Variants in SNCAIP observed in about 807,000 individuals in gnomAD.
SNCAIP encodes synuclein alpha interacting protein.
Under a neutral mutation model 86.7 loss-of-function variants are expected in SNCAIP, and 43 were observed. The observed-to-expected ratio is 0.50, with a 90% CI of 0.39 to 0.64. SNCAIP has a LOEUF of 0.64. Ranked by LOEUF, SNCAIP falls within the 30% of genes least tolerant of loss-of-function variation. SNCAIP has a pLI of 0.00. For missense variants in SNCAIP, 981 were observed against 1,103.1 expected (o/e 0.89, Z 1.57); for synonymous variants, 417 against 427.2 (o/e 0.98, Z 0.29).
chr5:122,406,570 T>C (rs765178910), intron 3 of SNCAIP, among the ~76,000 whole-genome samples: 3 of 152,108 alleles, frequency 2.0e-5, no homozygotes, highest in Non-Finnish European at 4.4e-5. Context: ...TCATGAATGG[T>C]TTAGCGCCAT....
At chr5:122,358,870 T>C (rs563587495) in intron 1 of SNCAIP, among the ~76,000 whole-genome samples, 14 of 152,294 alleles carry the variant, frequency 9.2e-5, no homozygotes, top group African/African-American at 3.4e-4. Context: ...AAATTGTTGC[T>C]ATGAACTTTT....
At chr5:122,357,878 C>T (rs1267037940) in intron 1 of SNCAIP, among the ~76,000 whole-genome samples, 1 of 152,056 alleles carries the variant, frequency 6.6e-6, no homozygotes, top group African/African-American at 2.4e-5. Context: ...CAGAACATTT[C>T]CATAAGCCAG....
chr5:122,446,222 G>C (rs976152311), intron 8 of SNCAIP, among the ~76,000 whole-genome samples: 4 of 152,176 alleles, frequency 2.6e-5, no homozygotes, highest in Non-Finnish European at 5.9e-5. Flanking sequence ...GGAATTGCTA[G>C]AGCAAAAGAC....
At chr5:122,391,013 T>A (rs1227576934) in intron 1 of SNCAIP, 76 bp from the exon 2 acceptor site, 17 of 780,316 alleles carry the variant, frequency 2.2e-5, no homozygotes, top group South Asian at 5.6e-5. Flanking sequence ...TCTTATTTGT[T>A]TAAATGTAGA....
rs76995938 is a variant in SNCAIP, at chr5:122,397,612, G to A, written c.58-6181G>A. Among the ~76,000 whole-genome samples, 1,476 of 152,218 alleles carry A rather than the reference G, an allele frequency of 9.7e-3. 20 individuals carry two copies. Among genetic ancestry groups the A allele is most frequent in the African/African-American group, 0.033 (1,380 of 41,530 alleles). On this transcript the variant is annotated intron_variant, in intron 2 of 10. Coordinates refer to ENST00000261368, the MANE Select transcript of SNCAIP (RefSeq NM_005460.4). The stretch of plus-strand genomic sequence containing the variant: ...ATTAGTTATAATAATTTTCATTAAT[G>A]GAGCCCAAATGGTGGGAAGAAATGT...
At chr5:122,439,645 G>A (rs1201128264) in intron 6 of SNCAIP, among the ~76,000 whole-genome samples, 1 of 152,064 alleles carries the variant, frequency 6.6e-6, no homozygotes, top group Non-Finnish European at 1.5e-5. Context: ...AGCAGTCGGA[G>A]CAAACAACTG....
chr5:122,458,129 T>A (rs1201829813), intron 10 of SNCAIP, among the ~76,000 whole-genome samples: 2 of 152,124 alleles, frequency 1.3e-5, no homozygotes, highest in Non-Finnish European at 2.9e-5. Flanking sequence ...TGTTGAGACA[T>A]AAAAAAGGCA....
intron 2 of SNCAIP, among the ~76,000 whole-genome samples, chr5:122,402,581 T>TACA (rs147011230): frequency 0.038 from 5,819 of 152,258 alleles, 358 homozygotes; most frequent in African/African-American, 0.13. Context: ...TGACAATATC[T>TACA]ACGTTCCCAC....
At chr5:122,322,276 T>C (rs943344030) in intron 1 of SNCAIP, among the ~76,000 whole-genome samples, 2 of 152,200 alleles carry the variant, frequency 1.3e-5, no homozygotes, top group African/African-American at 2.4e-5. Context: ...CTTATCTACT[T>C]TACCCCCAAA....
At chr5:122,416,975 A>G (rs1207996751) in intron 3 of SNCAIP, among the ~76,000 whole-genome samples, 1 of 152,168 alleles carries the variant, frequency 6.6e-6, no homozygotes, top group Non-Finnish European at 1.5e-5. Flanking sequence ...AATAAAATCC[A>G]TTTAACTTTT....
intron 2 of SNCAIP, chr5:122,401,198 C>A (rs1771741675): frequency 7.0e-7 from 1 of 1,421,380 alleles, no homozygotes; most frequent in Non-Finnish European, 9.4e-7. Flanking sequence ...GCCTGGGAAG[C>A]CTTCCATTTC....
At chr5:122,327,139 T>C (rs375557757) in intron 1 of SNCAIP, among the ~76,000 whole-genome samples, 1 of 152,136 alleles carries the variant, frequency 6.6e-6, no homozygotes. Flanking sequence ...CCAATTTTTA[T>C]TGAGAGGAAC....
chr5:122,373,449 T>C (rs1420121726), intron 1 of SNCAIP, among the ~76,000 whole-genome samples: 1 of 152,110 alleles, frequency 6.6e-6, no homozygotes, highest in Non-Finnish European at 1.5e-5. Flanking sequence ...TTAAAAGTAT[T>C]CCAAAAGCCT....
chr5:122,456,810 G>A (rs1192535340), intron 10 of SNCAIP, among the ~76,000 whole-genome samples: 2 of 152,198 alleles, frequency 1.3e-5, no homozygotes, highest in Non-Finnish European at 1.5e-5. Context: ...TCATGTGGGT[G>A]TTGTTACCAA....
intron 1 of SNCAIP, among the ~76,000 whole-genome samples, chr5:122,331,735 A>T (rs189254754): frequency 3.9e-5 from 6 of 152,264 alleles, no homozygotes; most frequent in Admixed American, 3.3e-4. Flanking sequence ...TAATGTCTCC[A>T]CTTAATCCCG....
chr5:122,333,428 A>G (rs1203452641), intron 1 of SNCAIP, among the ~76,000 whole-genome samples: 1 of 152,234 alleles, frequency 6.6e-6, no homozygotes, highest in Admixed American at 6.5e-5. Flanking sequence ...CCTGCCTTGC[A>G]TAGCCAATGC....
intron 1 of SNCAIP, among the ~76,000 whole-genome samples, chr5:122,348,073 A>G (rs886799933): frequency 1.1e-4 from 17 of 152,150 alleles, no homozygotes; most frequent in African/African-American, 3.9e-4. Flanking sequence ...TACTGAATAT[A>G]TTTCAATTTT....
intron 1 of SNCAIP, among the ~76,000 whole-genome samples, chr5:122,361,916 T>C (rs976649894): frequency 5.9e-5 from 9 of 152,212 alleles, no homozygotes; most frequent in African/African-American, 1.7e-4. Context: ...GTAATGATTA[T>C]GAAAGAATGA....
intron 1 of SNCAIP, among the ~76,000 whole-genome samples, chr5:122,363,087 C>G (rs1009422077): frequency 4.0e-5 from 6 of 150,980 alleles, no homozygotes; most frequent in Non-Finnish European, 7.4e-5. Flanking sequence ...ACTTCCACCT[C>G]CCAGGATCAA....
Sources: gnomAD v4.1 joint callset for allele counts (sites outside exome capture counted in the v4.1 genomes callset) on GRCh38, gnomAD v4.1.1 for gene constraint, MANE v1.5 for transcripts, NCBI Gene and HGNC (gene_info 2026-07-23, HGNC 2026-07-21) for gene names.